The following DLG2 variants were observed in gnomAD, a reference collection of about 807,000 sequenced individuals.
DLG2 encodes discs large MAGUK scaffold protein 2.
A neutral mutation model predicts 132.5 loss-of-function variants in DLG2; 45 were observed. That is an observed-to-expected ratio of 0.34 (90% CI 0.27 to 0.44). The LOEUF is 0.44. DLG2 is among the 20% of genes least tolerant of loss of function. The pLI is 1.00. For missense variants in DLG2, 1,045 were observed against 1,196.9 expected, an observed-to-expected ratio of 0.87 and a Z score of 1.87; for synonymous variants, 424 against 419.6, an observed-to-expected ratio of 1.01 and a Z score of -0.13.
chr11:84,749,398 C>A (rs2036111677), intron 6 of DLG2, among the ~76,000 whole-genome samples: 1 of 152,170 alleles, frequency 6.6e-6, no homozygotes, highest in Non-Finnish European at 1.5e-5. Flanking sequence ...TTGGTCAATA[C>A]AAACTGCATA....
intron 4 of DLG2, among the ~76,000 whole-genome samples, chr11:85,281,462 G>A: frequency 6.6e-6 from 1 of 151,780 alleles, no homozygotes; most frequent in East Asian, 1.9e-4. Flanking sequence ...CGAAGCCTGT[G>A]GAAACTAATA....
At chr11:83,850,969 G>A (rs1293408606) in intron 16 of DLG2, among the ~76,000 whole-genome samples, 1 of 152,082 alleles carries the variant, frequency 6.6e-6, no homozygotes, top group Non-Finnish European at 1.5e-5. Flanking sequence ...GAGGTCAGGA[G>A]ATCGAGATCA....
At chr11:84,702,827 A>G (rs964175608) in intron 6 of DLG2, among the ~76,000 whole-genome samples, 5 of 151,686 alleles carry the variant, frequency 3.3e-5, no homozygotes, top group African/African-American at 1.2e-4. Context: ...AGGAGGGACT[A>G]CATCTATTTT....
chr11:83,960,079 T>C (rs903522868), intron 14 of DLG2, among the ~76,000 whole-genome samples: 16 of 152,060 alleles, frequency 1.1e-4, no homozygotes, highest in African/African-American at 3.9e-4. Flanking sequence ...GCTTTCATTT[T>C]ATTCTATTTC....
At chr11:84,743,566 A>T (rs1460258772) in intron 6 of DLG2, among the ~76,000 whole-genome samples, 1 of 152,182 alleles carries the variant, frequency 6.6e-6, no homozygotes, top group Non-Finnish European at 1.5e-5. Context: ...ACTAGAGAAG[A>T]CAAAGAGTCA....
intron 6 of DLG2, among the ~76,000 whole-genome samples, chr11:84,816,552 G>A (rs1010834871): frequency 5.3e-5 from 8 of 151,710 alleles, no homozygotes; most frequent in African/African-American, 1.9e-4. Context: ...TACTATTTTT[G>A]AGCATTTACT....
intron 6 of DLG2, among the ~76,000 whole-genome samples, chr11:84,822,844 TCTC>T (rs1247330734): frequency 5.9e-5 from 9 of 152,054 alleles, no homozygotes; most frequent in South Asian, 2.1e-4. Flanking sequence ...CTGTCTAAAT[TCTC>T]CTAACTTAAT....
chr11:83,880,444 G>C (rs1008739307), intron 15 of DLG2, among the ~76,000 whole-genome samples: 2 of 152,158 alleles, frequency 1.3e-5, no homozygotes, highest in African/African-American at 4.8e-5. Context: ...GAGCTAAGGA[G>C]AAGACACTTT....
intron 7 of DLG2, among the ~76,000 whole-genome samples, chr11:84,294,651 A>G (rs1344389961): frequency 6.6e-6 from 1 of 152,220 alleles, no homozygotes. Context: ...TATAAGAGAC[A>G]AAATTTAGGA....
intron 6 of DLG2, among the ~76,000 whole-genome samples, chr11:84,821,510 TG>T (rs1205350759): frequency 1.3e-5 from 2 of 151,674 alleles, no homozygotes; most frequent in Non-Finnish European, 3.0e-5. Context: ...TATTTTAGAT[TG>T]TTTTTCAACA....
chr11:85,548,384 C>T (rs2076460259), intron 3 of DLG2, among the ~76,000 whole-genome samples: 1 of 152,206 alleles, frequency 6.6e-6, no homozygotes, highest in African/African-American at 2.4e-5. Flanking sequence ...GGGGCACCCG[C>T]CAGATGCCAG....
intron 9 of DLG2, among the ~76,000 whole-genome samples, chr11:84,156,074 G>A (rs2095422380): frequency 6.6e-6 from 1 of 152,056 alleles, no homozygotes; most frequent in African/African-American, 2.4e-5. Context: ...AAATATACTA[G>A]GAACGATAGA....
At chr11:85,207,650 ATT>A (rs1355642840) in intron 4 of DLG2, among the ~76,000 whole-genome samples, 1 of 152,118 alleles carries the variant, frequency 6.6e-6, no homozygotes, top group East Asian at 1.9e-4. Context: ...CTGAGAGAAT[ATT>A]TACATTTTGA....
chr11:84,502,060 TTTTC>T (rs1484654121), intron 7 of DLG2, among the ~76,000 whole-genome samples: 1 of 151,634 alleles, frequency 6.6e-6, no homozygotes, highest in Non-Finnish European at 1.5e-5. Flanking sequence ...TCTTTTCTTT[TTTTC>T]TTTTCTTTTT....
chr11:83,710,679 A>G (rs542260730), intron 18 of DLG2, among the ~76,000 whole-genome samples: 1 of 152,302 alleles, frequency 6.6e-6, no homozygotes, highest in African/African-American at 2.4e-5. Context: ...AACTGGTACA[A>G]GGACATTCAT....
intron 18 of DLG2, among the ~76,000 whole-genome samples, chr11:83,721,815 A>G (rs938426734): frequency 6.6e-6 from 1 of 152,246 alleles, no homozygotes; most frequent in African/African-American, 2.4e-5. Flanking sequence ...ATGAATATAA[A>G]TAAAGAAGGT....
At chr11:83,892,411 C>T (rs952572031) in intron 15 of DLG2, among the ~76,000 whole-genome samples, 1 of 152,032 alleles carries the variant, frequency 6.6e-6, no homozygotes, top group Non-Finnish European at 1.5e-5. Flanking sequence ...GTATTCATAG[C>T]CATTAGATTA....
chr11:84,555,468 TG>T (rs1353293342), intron 6 of DLG2, among the ~76,000 whole-genome samples: 3 of 152,122 alleles, frequency 2.0e-5, no homozygotes, highest in Non-Finnish European at 4.4e-5. Context: ...CACAATAAAA[TG>T]TTATTCAGCT....
At chr11:83,991,094 A>T (rs1340798676) in intron 11 of DLG2, among the ~76,000 whole-genome samples, 2 of 152,208 alleles carry the variant, frequency 1.3e-5, no homozygotes, top group East Asian at 1.9e-4. Context: ...ACCAAAAAAA[A>T]GTATGTTTTA....
Sources: allele counts gnomAD v4.1 joint callset (sites outside exome capture counted in the v4.1 genomes callset), GRCh38; gene constraint gnomAD v4.1.1; transcripts MANE v1.5; gene names NCBI Gene and HGNC (gene_info 2026-07-23, HGNC 2026-07-21).